DPP10: variants seen among roughly 807,000 people sequenced by gnomAD.
DPP10 encodes dipeptidyl peptidase like 10.
A neutral mutation model predicts 120.9 loss-of-function variants in DPP10; 33 were observed. The ratio of observed to expected loss-of-function variants is 0.27; its 90% CI spans 0.21 to 0.37. The LOEUF is 0.37. Among genes scored for constraint, DPP10 ranks in the 10% least tolerant of loss-of-function variants. DPP10 has a pLI of 1.00. For missense variants in DPP10, 816 were observed against 942.8 expected (o/e 0.87, Z 1.76); for synonymous variants, 337 against 326.1 (o/e 1.03, Z -0.36).
chr2:115,761,307 C>G (rs1372121383), intron 11 of DPP10, among the ~76,000 whole-genome samples: 1 of 151,794 alleles, frequency 6.6e-6, no homozygotes, highest in African/African-American at 2.4e-5. Context: ...AGAGAAAGCC[C>G]TTCTAGACAA....
intron 5 of DPP10, among the ~76,000 whole-genome samples, chr2:115,536,892 C>G (rs2078881228): frequency 6.6e-6 from 1 of 151,942 alleles, no homozygotes; most frequent in Non-Finnish European, 1.5e-5. Flanking sequence ...CTTCATTACT[C>G]TGGTAAAATT....
intron 1 of DPP10, among the ~76,000 whole-genome samples, chr2:115,061,186 A>G (rs1386079354): frequency 6.6e-6 from 1 of 152,244 alleles, no homozygotes; most frequent in Non-Finnish European, 1.5e-5. Context: ...AAATAATCAA[A>G]GAGCAAAGAT....
intron 14 of DPP10, 152 bp downstream of exon 14, chr2:115,777,451 C>A: frequency 1.5e-6 from 1 of 671,320 alleles, no homozygotes; most frequent in Non-Finnish European, 2.6e-6. Context: ...TTCCACACTT[C>A]ACACAGAGAC....
chr2:115,344,367 C>A (rs965329147), intron 3 of DPP10, among the ~76,000 whole-genome samples: 1 of 152,046 alleles, frequency 6.6e-6, no homozygotes, highest in Non-Finnish European at 1.5e-5. Context: ...ACATCTCTAG[C>A]ACATCACTAG....
At chr2:115,489,085 T>C (rs1020366369) in intron 3 of DPP10, among the ~76,000 whole-genome samples, 2 of 152,048 alleles carry the variant, frequency 1.3e-5, no homozygotes, top group Admixed American at 6.6e-5. Context: ...AAACAATTAA[T>C]AGGCTAACAC....
chr2:115,566,422 T>A (rs1032827890), intron 5 of DPP10, among the ~76,000 whole-genome samples: 1 of 152,140 alleles, frequency 6.6e-6, no homozygotes, highest in Non-Finnish European at 1.5e-5. Flanking sequence ...TTCCCATTTA[T>A]TCATTCATGT....
chr2:114,456,101 T>G (rs1356690875), intron 1 of DPP10, among the ~76,000 whole-genome samples: 1 of 152,164 alleles, frequency 6.6e-6, no homozygotes, highest in Non-Finnish European at 1.5e-5. Context: ...GTTTTCATGG[T>G]CATCACCCCG....
chr2:114,454,208 G>T (rs1181362607), intron 1 of DPP10, among the ~76,000 whole-genome samples: 1 of 152,122 alleles, frequency 6.6e-6, no homozygotes, highest in East Asian at 1.9e-4. Flanking sequence ...GGTGCTATAT[G>T]TGAAAGTACT....
chr2:115,439,361 T>C (rs2071806040), intron 3 of DPP10, among the ~76,000 whole-genome samples: 1 of 152,288 alleles, frequency 6.6e-6, no homozygotes, highest in African/African-American at 2.4e-5. Context: ...GAAATTTCAG[T>C]CTGGAATGAT....
At chr2:114,640,438 G>A (rs1695621567) in intron 1 of DPP10, among the ~76,000 whole-genome samples, 1 of 151,796 alleles carries the variant, frequency 6.6e-6, no homozygotes, top group Admixed American at 6.5e-5. Flanking sequence ...TACTTGTATA[G>A]GACAAAAATA....
intron 1 of DPP10, among the ~76,000 whole-genome samples, chr2:115,135,693 A>T (rs2050615862): frequency 1.3e-5 from 2 of 152,148 alleles, no homozygotes; most frequent in African/African-American, 4.8e-5. Context: ...TCTTGTAGTG[A>T]ATATAAATGG....
chr2:115,650,910 A>G (rs1042832628), intron 5 of DPP10, among the ~76,000 whole-genome samples: 4 of 152,028 alleles, frequency 2.6e-5, no homozygotes, highest in African/African-American at 7.2e-5. Flanking sequence ...AAAGGAAGAA[A>G]GAGAGTGAGA....
chr2:114,876,238 G>T (rs539003237), intron 1 of DPP10, among the ~76,000 whole-genome samples: 2 of 152,228 alleles, frequency 1.3e-5, no homozygotes, highest in East Asian at 3.9e-4. Context: ...ATTGACAAGA[G>T]ATAGTGAAAA....
At chr2:115,614,501 C>T (rs2149260921) in intron 5 of DPP10, among the ~76,000 whole-genome samples, 1 of 152,342 alleles carries the variant, frequency 6.6e-6, no homozygotes, top group Admixed American at 6.5e-5. Flanking sequence ...TCTCAGCTCA[C>T]TGCAACTTCC....
rs1193172954 is a variant in DPP10, at chr2:115,321,038, A to T, written c.175+11685A>T. On this transcript the variant is annotated intron_variant, in intron 2 of 25. Transcript: ENST00000410059. ...TTCTTGGCTGGGAGCAGTGGTTCAC[A>T]CCTGTAATCCCAGCACTTTGGGAGG... Among the ~76,000 whole-genome samples, 6 of 152,132 alleles carry T rather than the reference A, an allele frequency of 3.9e-5. No homozygotes were observed. In the East Asian group the frequency reaches 1.2e-3, roughly 29 times the overall value.
At chr2:114,686,139 C>G (rs1699350432) in intron 1 of DPP10, among the ~76,000 whole-genome samples, 1 of 151,840 alleles carries the variant, frequency 6.6e-6, no homozygotes, top group African/African-American at 2.4e-5. Context: ...CAAGGTGATG[C>G]AAGGAAAAGA....
At chr2:115,210,912 CTTAA>C (rs890621517) in intron 1 of DPP10, among the ~76,000 whole-genome samples, 18 of 151,590 alleles carry the variant, frequency 1.2e-4, no homozygotes, top group Admixed American at 5.3e-4. Context: ...TTAAAAAAAA[CTTAA>C]TTAGAGATTC....
At chr2:115,233,330 G>A (rs1173402334) in intron 1 of DPP10, among the ~76,000 whole-genome samples, 1 of 151,970 alleles carries the variant, frequency 6.6e-6, no homozygotes, top group East Asian at 1.9e-4. Context: ...AAAACCGTCT[G>A]ATTTCATGTC....
chr2:115,435,812 T>A (rs1003068246), intron 3 of DPP10, among the ~76,000 whole-genome samples: 1 of 151,974 alleles, frequency 6.6e-6, no homozygotes, highest in African/African-American at 2.4e-5. Flanking sequence ...CTTCTAGTAG[T>A]TTCATATGTT....
Sources: gnomAD v4.1 joint callset for allele counts (sites outside exome capture counted in the v4.1 genomes callset) on GRCh38, gnomAD v4.1.1 for gene constraint, MANE v1.5 for transcripts, NCBI Gene and HGNC (gene_info 2026-07-23, HGNC 2026-07-21) for gene names.